MOB1B: variants seen among roughly 807,000 people sequenced by gnomAD.
MOB1B encodes the protein MOB kinase activator 1B, also known as MOB1 Mps One Binder homolog B.
MOB1B carries 19 observed loss-of-function variants against 24.4 expected under a neutral mutation model. That is an observed-to-expected ratio of 0.78 (90% CI 0.54 to 1.14). The LOEUF (loss-of-function observed/expected upper bound fraction) is 1.14. MOB1B is among the 50% of genes most tolerant of loss of function. The pLI is 0.00. For synonymous variants in MOB1B, 76 were observed against 82.1 expected, an observed-to-expected ratio of 0.93 and a Z score of 0.40; for missense variants, 243 against 259.6, an observed-to-expected ratio of 0.94 and a Z score of 0.44.
At chr4:70,908,790 T>C (rs1419065458) in intron 1 of MOB1B, among the ~76,000 whole-genome samples, 1 of 121,224 alleles carries the variant, frequency 8.2e-6, no homozygotes, top group Non-Finnish European at 1.7e-5. Flanking sequence ...AAAAAAAGAT[T>C]AGCAATTTAG....
intron 5 of MOB1B, among the ~76,000 whole-genome samples, chr4:70,979,718 T>A (rs907754401): frequency 6.6e-6 from 1 of 152,186 alleles, no homozygotes; most frequent in African/African-American, 2.4e-5. Context: ...TTGTTTTTTT[T>A]AAAACCACAT....
rs768501494 is a variant in MOB1B, at chr4:70,958,736, G to A, written c.15-138G>A. On this transcript the variant is annotated intron_variant, in intron 1 of 5. Transcript: ENST00000309395. ...GCAGAGAAAGTTTGTAGGAGTTTTG[G>A]ATGGAGAGCACAGTAGTTACAGCAA... 3 of 916,422 alleles carry A rather than the reference G, an allele frequency of 3.3e-6. No homozygotes were observed. In the Admixed American group the frequency reaches 5.1e-5, roughly 16 times the overall value. 56.8% of individuals were successfully genotyped at this position (916,422 alleles called of 1,614,324 possible). A position where few individuals can be genotyped will look rare whatever the true frequency, so the allele number is the denominator to read the frequency against.
chr4:70,914,376 A>G (rs7673241), intron 1 of MOB1B, among the ~76,000 whole-genome samples: 152,309 of 152,342 alleles, frequency 1, 76,138 homozygotes, highest in Non-Finnish European at 1. Flanking sequence ...CCTCATTTGA[A>G]CACTTCCTTA....
intron 3 of MOB1B, among the ~76,000 whole-genome samples, chr4:70,974,216 A>C (rs1738886311): frequency 6.6e-6 from 1 of 151,690 alleles, no homozygotes; most frequent in South Asian, 2.1e-4. Context: ...TGGAATGGGC[A>C]CCATCTTGGC....
rs74213730 is a variant in MOB1B at position 70,921,030 on chromosome 4, A to G, written c.14+18480A>G. ...AAGTAAAAGCCTTCCACTAGGAACT[A>G]AAAAATATCATGGTTTTTTATATAT... On this transcript the variant is annotated intron_variant, in intron 1 of 5. Coordinates refer to ENST00000309395, the MANE Select transcript of MOB1B (RefSeq NM_173468.4). Among the ~76,000 whole-genome samples, 47 of 152,328 alleles carry G rather than the reference A, an allele frequency of 3.1e-4. No homozygotes were observed. The East Asian group carries it at 6.9e-3, about 22-fold the overall frequency.
At chr4:70,934,758 G>T (rs1414912942) in intron 1 of MOB1B, among the ~76,000 whole-genome samples, 1 of 151,892 alleles carries the variant, frequency 6.6e-6, no homozygotes, top group Admixed American at 6.6e-5. Context: ...ACCCAGCCTG[G>T]AATATAATTT....
intron 1 of MOB1B, among the ~76,000 whole-genome samples, chr4:70,911,178 C>T (rs932096690): frequency 1.3e-5 from 2 of 151,996 alleles, no homozygotes; most frequent in Admixed American, 6.6e-5. Flanking sequence ...AGGTTTTTTA[C>T]TTGTAAATTT....
intron 1 of MOB1B, among the ~76,000 whole-genome samples, chr4:70,934,340 C>A (rs1159726560): frequency 1.3e-5 from 2 of 151,962 alleles, no homozygotes; most frequent in Non-Finnish European, 2.9e-5. Flanking sequence ...CCTGCCTCAG[C>A]CTCCCAAAGT....
At position 70,940,102 on chromosome 4, in the gene MOB1B, C is replaced by T. The variant is rs114080647; in HGVS notation, c.15-18772C>T. 9.6e-4 allele frequency among the ~76,000 whole-genome samples: 146 copies of T among 151,884 alleles called. No homozygotes were observed. The South Asian group carries it at 9.8e-3, about 10-fold the overall frequency. ...CCTCTTGACCTCCAGCCGCTTTTGT[C>T]TTCTTCCGCTGATGTGTTCCTCTCC... is the stretch of plus-strand genomic sequence containing the variant. On this transcript the variant is annotated intron_variant, in intron 1 of 5. Coordinates refer to ENST00000309395, the MANE Select transcript of MOB1B (RefSeq NM_173468.4).
chr4:70,967,118 C>A (rs949327617), intron 2 of MOB1B, among the ~76,000 whole-genome samples: 1 of 150,706 alleles, frequency 6.6e-6, no homozygotes, highest in Non-Finnish European at 1.5e-5. Flanking sequence ...TATCCACCAC[C>A]AATATGTTAC....
chr4:70,907,079 T>G (rs1049609401), intron 1 of MOB1B, among the ~76,000 whole-genome samples: 1 of 152,224 alleles, frequency 6.6e-6, no homozygotes, highest in Non-Finnish European at 1.5e-5. Flanking sequence ...GAAACATCTT[T>G]GAGTCAAGAA....
chr4:70,950,035 T>A (rs1737737946), intron 1 of MOB1B, among the ~76,000 whole-genome samples: 1 of 152,192 alleles, frequency 6.6e-6, no homozygotes, highest in African/African-American at 2.4e-5. Flanking sequence ...CTTGTGTTGT[T>A]CGTGAATGAC....
Position 70,969,959 on chromosome 4 carries a change from G to A in MOB1B, c.210G>A (p.Met70Ile), listed in dbSNP as rs1441239173. ...TGGATTTCTTCAATCAGATCAACAT[G>A]CTTTATGGAACTATCACAGACTTCT... ...NTVDFFNQINMLYGTITDFCT... is the reference protein window; with the variant it reads ...NTVDFFNQINILYGTITDFCT... The change falls in exon 3 of 6, where the codon ATG becomes ATA. Residue 70 changes from methionine to isoleucine, a missense_variant. Coordinates refer to ENST00000309395, the MANE Select transcript of MOB1B (RefSeq NM_173468.4). 1 of 1,606,552 alleles carries A rather than the reference G, an allele frequency of 6.2e-7. No homozygotes were observed. The highest frequency in any genetic ancestry group is 8.5e-7 in the Non-Finnish European group (1 of 1,175,786).
At chr4:70,969,658 A>T (rs905730715) in intron 2 of MOB1B, among the ~76,000 whole-genome samples, 4 of 152,118 alleles carry the variant, frequency 2.6e-5, no homozygotes, top group Admixed American at 6.5e-5. Flanking sequence ...ATTGATCTAT[A>T]TGAGTTCTTT....
chr4:70,935,659 C>A (rs1737054214), intron 1 of MOB1B, among the ~76,000 whole-genome samples: 1 of 146,378 alleles, frequency 6.8e-6, no homozygotes, highest in Non-Finnish European at 1.5e-5. Context: ...CCATTATACT[C>A]TTTTTTTTTT....
At chr4:70,956,124 C>T (rs1738038094) in intron 1 of MOB1B, among the ~76,000 whole-genome samples, 1 of 152,130 alleles carries the variant, frequency 6.6e-6, no homozygotes, top group Non-Finnish European at 1.5e-5. Flanking sequence ...AATTTCTGCA[C>T]TCTAGTGTGG....
intron 1 of MOB1B, among the ~76,000 whole-genome samples, chr4:70,947,691 A>C (rs112650303): frequency 2.0e-5 from 3 of 151,984 alleles, no homozygotes; most frequent in Non-Finnish European, 4.4e-5. Flanking sequence ...CAGTGGCACA[A>C]TCTTGGCTCA....
chr4:70,970,620 A>G (rs1738715374), intron 3 of MOB1B, among the ~76,000 whole-genome samples: 2 of 152,202 alleles, frequency 1.3e-5, no homozygotes, highest in African/African-American at 4.8e-5. Flanking sequence ...GGCTTTTATT[A>G]TTACTTCTAC....
At chr4:70,961,539 G>A (rs1368710303) in intron 2 of MOB1B, among the ~76,000 whole-genome samples, 1 of 152,196 alleles carries the variant, frequency 6.6e-6, no homozygotes, top group African/African-American at 2.4e-5. Context: ...GAGGACTACT[G>A]TACTACTGAA....
Sources: allele counts gnomAD v4.1 joint callset (sites outside exome capture counted in the v4.1 genomes callset), GRCh38; gene constraint gnomAD v4.1.1; transcripts MANE v1.5; gene names NCBI Gene and HGNC (gene_info 2026-07-23, HGNC 2026-07-21).